GAL: variants seen among roughly 807,000 people sequenced by gnomAD.
GAL encodes galanin and GMAP prepropeptide.
Under a neutral mutation model 15.8 loss-of-function variants are expected in GAL, and 14 were observed. That is an observed-to-expected ratio of 0.89 (90% CI 0.59 to 1.39). The LOEUF (loss-of-function observed/expected upper bound fraction) is 1.39, where lower values mean the gene tolerates loss of function less well. GAL is among the 40% of genes most tolerant of loss of function. The pLI is 0.00. For missense variants in GAL, 176 were observed against 170.4 expected, an observed-to-expected ratio of 1.03 and a Z score of -0.18; for synonymous variants, 79 against 73.8, an observed-to-expected ratio of 1.07 and a Z score of -0.36.
Position 68,688,100 on chromosome 11 carries a change from G to A in GAL, c.223G>A (p.Gly75Arg). The change falls in exon 4 of 6, where the codon GGA becomes AGA. Residue 75 changes from glycine to arginine, a missense_variant and splice_region_variant. Transcript: ENST00000265643. Reference sequence around the variant, plus strand: ...GCGGCCCGAAGATGACATGAAACCAGGTGAGAGGACTCCTATCCCGGGCCC... The same window carrying A: ...GCGGCCCGAAGATGACATGAAACCAAGTGAGAGGACTCCTATCCCGGGCCC... Reference protein sequence around the residue: ...ELRPEDDMKPGSFDRSIPENN... With the variant: ...ELRPEDDMKPRSFDRSIPENN... 1 of 1,599,802 alleles carries A rather than the reference G, an allele frequency of 6.3e-7. No homozygotes were observed. The highest frequency in any genetic ancestry group is 1.1e-5 in the South Asian group (1 of 90,778).
At chr11:68,686,700 C>T (rs1167731222) in intron 3 of GAL, among the ~76,000 whole-genome samples, 1 of 152,152 alleles carries the variant, frequency 6.6e-6, no homozygotes, top group African/African-American at 2.4e-5. Flanking sequence ...GGTCTCTGTG[C>T]GGCCCTCTCA....
rs755026539 is a variant in GAL at position 68,684,967 on chromosome 11, C to A, written c.44C>A (p.Ala15Asp). The change falls in exon 2 of 6, where the codon GCC becomes GAC. Residue 15 changes from alanine (A) to aspartate (D), a missense_variant. Physicochemically the swap from Ala to Asp is moderately radical, Grantham distance 126. Coordinates refer to ENST00000265643, the MANE Select transcript of GAL (RefSeq NM_015973.5). Reference sequence around the variant, plus strand: ...CTCCTGCTCGCCTCCCTCCTCCTCGCCGCGGCCCTTTCTGCCTCTGCGGGG... The same window carrying A: ...CTCCTGCTCGCCTCCCTCCTCCTCGACGCGGCCCTTTCTGCCTCTGCGGGG... ...SALLLASLLLAAALSASAGLW... is the reference protein window; with the variant it reads ...SALLLASLLLDAALSASAGLW... 6.2e-7 allele frequency: 1 copy of A among 1,609,500 alleles called. No individual in the cohort carries two copies. Among genetic ancestry groups the A allele is most frequent in the East Asian group, 2.2e-5 (1 of 44,798 alleles).
At chr11:68,689,004 A>C in intron 5 of GAL, 78 bp downstream of exon 5, 2 of 749,598 alleles carry the variant, frequency 2.7e-6, no homozygotes. Context: ...AAGAGAACCC[A>C]TAGAATCCCC....
chr11:68,685,636 C>T lies in GAL; in HGVS notation c.124C>T (p.Leu42=), dbSNP rs759431773. 1.2e-6 allele frequency: 2 copies of T among 1,612,706 alleles called. No homozygotes were observed. Among genetic ancestry groups the T allele is most frequent in the East Asian group, 2.2e-5 (1 of 44,854 alleles). The change falls in exon 3 of 6, where the codon CTG becomes TTG. Residue 42 remains leucine (L), a synonymous_variant. Transcript: ENST00000265643. ...RGWTLNSAGY[L]LGPHAVGNHR... is the part of the protein sequence containing the mutation. ...CTGGACCCTGAACAGCGCGGGCTAC[C>T]TGCTGGGCCCACGTAAGTGACTGAC...
intron 5 of GAL, 34 bp from the exon 6 acceptor site, chr11:68,690,883 A>T: frequency 7.1e-7 from 1 of 1,414,432 alleles, no homozygotes; most frequent in Non-Finnish European, 1.0e-6. Context: ...CATATTAAGA[A>T]GTTGCTGCTC....
intron 3 of GAL, among the ~76,000 whole-genome samples, chr11:68,686,380 C>T (rs1275383186): frequency 1.3e-5 from 2 of 152,236 alleles, no homozygotes; most frequent in African/African-American, 4.8e-5. Context: ...CCCTCCACAC[C>T]TCACCATCCA....
intron 3 of GAL, among the ~76,000 whole-genome samples, chr11:68,686,823 G>A (rs1178712854): frequency 2.6e-5 from 4 of 152,140 alleles, no homozygotes; most frequent in African/African-American, 7.2e-5. Context: ...TGTGTGCTAC[G>A]GGCCCAAAAC....
chr11:68,688,160 T>C (rs1367215121), intron 4 of GAL, 60 bp downstream of exon 4: 1 of 1,021,186 alleles, frequency 9.8e-7, no homozygotes, highest in African/African-American at 1.6e-5. Context: ...CCCAGGTGCA[T>C]GCAGGGGACA....
At chr11:68,686,650 G>A (rs556966815) in intron 3 of GAL, among the ~76,000 whole-genome samples, 172 of 152,290 alleles carry the variant, frequency 1.1e-3, no homozygotes, top group Non-Finnish European at 1.7e-3. Context: ...GCCTGAGGCC[G>A]CGTGCGGATC....
chr11:68,686,180 C>T (rs1361173035), intron 3 of GAL, among the ~76,000 whole-genome samples: 2 of 152,196 alleles, frequency 1.3e-5, no homozygotes, highest in Non-Finnish European at 2.9e-5. Context: ...TCAGCGGTGT[C>T]CCCTGCTGCC....
intron 2 of GAL, among the ~76,000 whole-genome samples, chr11:68,685,266 C>T (rs938994083): frequency 1.3e-5 from 2 of 152,244 alleles, no homozygotes; most frequent in African/African-American, 4.8e-5. Context: ...GTCAGCGCCT[C>T]GGGAAAGCGA....
Position 68,684,598 on chromosome 11 carries a change from C to A in GAL, c.-135C>A, listed in dbSNP as rs1010623687. ...CGGCCCGCGCCTTCTGCCCCTGCTG[C>A]CGGCCGCGCCATGCGGTGAGCGCCC... On this transcript the variant is annotated 5_prime_UTR_variant, in exon 1 of 6. Coordinates refer to ENST00000265643, the MANE Select transcript of GAL (RefSeq NM_015973.5). 1 of 234,464 alleles carries A rather than the reference C, an allele frequency of 4.3e-6. No homozygotes were observed. The highest frequency in any genetic ancestry group is 8.2e-6 in the Non-Finnish European group (1 of 121,648). The allele number at this position is 234,464 out of a possible 1,614,324, so 14.5% of individuals were successfully genotyped here. A position where few individuals can be genotyped will look rare whatever the true frequency, so the allele number is the denominator to read the frequency against.
At chr11:68,687,322 G>T (rs781752178) in intron 3 of GAL, among the ~76,000 whole-genome samples, 1 of 151,566 alleles carries the variant, frequency 6.6e-6, no homozygotes, top group Non-Finnish European at 1.5e-5. Flanking sequence ...TTCACCCCAC[G>T]CCTCTTGGTT....
chr11:68,689,526 A>G (rs759848413), intron 5 of GAL, among the ~76,000 whole-genome samples: 5 of 151,882 alleles, frequency 3.3e-5, no homozygotes, highest in Non-Finnish European at 7.4e-5. Context: ...CTTCCCAGGT[A>G]GCTGGGAAAA....
intron 3 of GAL, among the ~76,000 whole-genome samples, chr11:68,686,221 T>C (rs1361799027): frequency 6.6e-6 from 1 of 152,140 alleles, no homozygotes; most frequent in South Asian, 2.1e-4. Context: ...GATGGGACAC[T>C]GCAGGCTGAC....
intron 1 of GAL, 87 bp downstream of exon 1, chr11:68,684,819 T>G: frequency 1.5e-6 from 1 of 688,062 alleles, no homozygotes; most frequent in Non-Finnish European, 2.5e-6. Flanking sequence ...GCCAGGGCCC[T>G]GGCCCGGCCG....
At chr11:68,684,899 C>T (rs1335597178) in intron 1 of GAL, 25 bp from the exon 2 acceptor site, 5 of 1,522,058 alleles carry the variant, frequency 3.3e-6, no homozygotes, top group Admixed American at 1.7e-5. Flanking sequence ...GGTTCCGACC[C>T]GCCCGCCCTG....
intron 4 of GAL, 96 bp from the exon 5 acceptor site, chr11:68,688,753 C>T: frequency 4.2e-6 from 3 of 709,152 alleles, no homozygotes; most frequent in East Asian, 5.2e-5. Context: ...AGATCATTGA[C>T]CTTGCAGCGC....
At chr11:68,686,540 C>G (rs114188955) in intron 3 of GAL, among the ~76,000 whole-genome samples, 1 of 152,198 alleles carries the variant, frequency 6.6e-6, no homozygotes, top group Non-Finnish European at 1.5e-5. Flanking sequence ...GTCCCAGAGT[C>G]GAATACAGCT....
Sources: allele counts gnomAD v4.1 joint callset (sites outside exome capture counted in the v4.1 genomes callset), GRCh38; gene constraint gnomAD v4.1.1; transcripts MANE v1.5; gene names NCBI Gene and HGNC (gene_info 2026-07-23, HGNC 2026-07-21).